LRP1B: variants seen among roughly 807,000 people sequenced by gnomAD.
The protein encoded by LRP1B is low-density lipoprotein receptor-related protein 1B.
LRP1B carries 217 observed loss-of-function variants against 556.6 expected under a neutral mutation model. That is an observed-to-expected ratio of 0.39 (90% CI 0.35 to 0.44). The LOEUF (loss-of-function observed/expected upper bound fraction) is 0.44, where lower values mean the gene tolerates loss of function less well. LRP1B is among the 20% of genes least tolerant of loss of function. LRP1B has a pLI of 1.00. For synonymous variants in LRP1B, 2,047 were observed against 1,865.8 expected (o/e 1.10, Z -2.50); for missense variants, 5,053 against 5,620.8 (o/e 0.90, Z 3.23).
chr2:140,706,246 T>C (rs191269879), intron 37 of LRP1B, among the ~76,000 whole-genome samples: 6 of 152,260 alleles, frequency 3.9e-5, no homozygotes, highest in Non-Finnish European at 7.4e-5. Flanking sequence ...TTGAACCTAT[T>C]TGAGTTCAAA....
At position 140,321,989 on chromosome 2, in the gene LRP1B, C is replaced by G. The variant is rs765298621; in HGVS notation, c.12614G>C (p.Gly4205Ala). 4 of 1,612,690 alleles carry G rather than the reference C, an allele frequency of 2.5e-6. No individual in the cohort carries two copies. In the African/African-American group the frequency reaches 5.3e-5, roughly 22 times the overall value. ...VCPEGKYLIN[G>A]TCNDDSLLDD... ...TAACAGGCTGTCATCATTGCAGGTG[C>G]CATTAATCAAATATTTTCCTTCTGG... is the stretch of plus-strand genomic sequence containing the variant. The change falls in exon 82 of 91, where the codon GGC becomes GCC. Residue 4205 changes from glycine to alanine, a missense_variant. Gly to Ala is a moderately conservative substitution (Grantham distance 60). Around this residue, in one of 5 missense-constraint regions of LRP1B, gnomAD observed 551 missense variants for 592.0 expected, o/e 0.93. Coordinates refer to ENST00000389484, the MANE Select transcript of LRP1B (RefSeq NM_018557.3).
At chr2:141,737,159 C>T (rs967964495) in intron 2 of LRP1B, among the ~76,000 whole-genome samples, 22 of 152,118 alleles carry the variant, frequency 1.4e-4, no homozygotes, top group African/African-American at 5.1e-4. Flanking sequence ...TGAGACCAGC[C>T]TGGCCAACAT....
intron 2 of LRP1B, among the ~76,000 whole-genome samples, chr2:141,523,746 A>T (rs1012179375): frequency 6.6e-6 from 1 of 151,962 alleles, no homozygotes; most frequent in Non-Finnish European, 1.5e-5. Flanking sequence ...GGCTGCCCAG[A>T]AAAGCAGAAG....
intron 1 of LRP1B, among the ~76,000 whole-genome samples, chr2:142,090,189 A>G (rs965929430): frequency 1.3e-5 from 2 of 152,188 alleles, no homozygotes; most frequent in African/African-American, 4.8e-5. Context: ...ATAATTTCAA[A>G]TGCCTTTAAA....
chr2:140,719,888 TACCC>T (rs1687342911), intron 35 of LRP1B, among the ~76,000 whole-genome samples: 1 of 152,070 alleles, frequency 6.6e-6, no homozygotes, highest in African/African-American at 2.4e-5. Flanking sequence ...ATATGTTGTA[TACCC>T]ACACAAACAC....
At chr2:141,854,655 G>A (rs1180630891) in intron 1 of LRP1B, among the ~76,000 whole-genome samples, 1 of 151,944 alleles carries the variant, frequency 6.6e-6, no homozygotes. Context: ...AAATGTGGAT[G>A]CCATAAAATT....
chr2:140,305,267 AC>A (rs1382232543), intron 83 of LRP1B, among the ~76,000 whole-genome samples: 1 of 152,122 alleles, frequency 6.6e-6, no homozygotes, highest in East Asian at 1.9e-4. Context: ...TTTTCACGAT[AC>A]TGATTCTTCC....
At chr2:140,588,605 C>T (rs1161264710) in intron 43 of LRP1B, among the ~76,000 whole-genome samples, 3 of 152,166 alleles carry the variant, frequency 2.0e-5, no homozygotes, top group African/African-American at 7.2e-5. Context: ...AACAGGGAAC[C>T]CCAATATAGA....
intron 8 of LRP1B, 84 bp from the exon 9 acceptor site, chr2:141,059,138 T>A (rs1228845602): frequency 4.7e-6 from 4 of 859,828 alleles, no homozygotes; most frequent in Non-Finnish European, 1.7e-6. Flanking sequence ...TTTACTAGTA[T>A]GGAAAATGGC....
At chr2:140,501,205 T>A (rs965953944) in intron 55 of LRP1B, among the ~76,000 whole-genome samples, 17 of 151,988 alleles carry the variant, frequency 1.1e-4, no homozygotes, top group African/African-American at 3.9e-4. Flanking sequence ...TCACACTAAG[T>A]CCTAATAATT....
chr2:140,633,343 T>C (rs1683959363), intron 41 of LRP1B, among the ~76,000 whole-genome samples: 1 of 152,086 alleles, frequency 6.6e-6, no homozygotes, highest in South Asian at 2.1e-4. Flanking sequence ...TAGAGGAAAA[T>C]TTATTGCATT....
rs747843959 is a variant in LRP1B, at chr2:140,867,691, G to A, written c.4478C>T (p.Ser1493Phe). 3 of 1,613,452 alleles carry A rather than the reference G, an allele frequency of 1.9e-6. No homozygotes were observed. The highest frequency in any genetic ancestry group is 2.5e-6 in the Non-Finnish European group (3 of 1,179,624). ...YWTDWRTNTL[S>F]KANKWTGQNV... is the part of the protein sequence containing the mutation. ...CTGCCCTGTCCACTTATTGGCTTTG[G>A]ACAATGTGTTGGTCCTCCAGTCTGT... Residue 1493 changes from serine to phenylalanine, a missense_variant, in exon 27 of 91, where the codon TCC becomes TTC. Transcript: ENST00000389484.
At chr2:141,702,211 GT>G (rs757903094) in intron 2 of LRP1B, among the ~76,000 whole-genome samples, 27 of 151,854 alleles carry the variant, frequency 1.8e-4, no homozygotes, top group Admixed American at 6.6e-4. Context: ...TTAGGTAGAA[GT>G]TTTTGTAGTA....
chr2:140,647,940 C>T (rs990038759), intron 41 of LRP1B, among the ~76,000 whole-genome samples: 1 of 152,114 alleles, frequency 6.6e-6, no homozygotes, highest in African/African-American at 2.4e-5. Flanking sequence ...CATTACTGGG[C>T]ATATACCCAA....
intron 7 of LRP1B, among the ~76,000 whole-genome samples, chr2:141,136,589 A>G (rs1701498178): frequency 1.3e-5 from 2 of 149,638 alleles, no homozygotes; most frequent in African/African-American, 4.9e-5. Context: ...ACTATGTACC[A>G]GGCAATATAC....
chr2:140,962,330 C>T (rs1696062155), intron 18 of LRP1B, among the ~76,000 whole-genome samples: 1 of 152,138 alleles, frequency 6.6e-6, no homozygotes, highest in South Asian at 2.1e-4. Context: ...AGAAACTTTG[C>T]CTTTTTCCCC....
intron 18 of LRP1B, among the ~76,000 whole-genome samples, chr2:140,965,562 T>TTA (rs72540272): frequency 4.0e-5 from 6 of 151,568 alleles, no homozygotes; most frequent in African/African-American, 1.2e-4. Flanking sequence ...TTTCTTTTAA[T>TTA]TTTTTTATTA....
rs183189646 is a variant in LRP1B, at chr2:141,974,610, G to A, written c.82+156038C>T. Reference sequence around the variant, plus strand: ...AGGTAATATGTGTAAATGTAAACACGCGTTATGTGGAAAAACTACAGGAAA... The same window carrying A: ...AGGTAATATGTGTAAATGTAAACACACGTTATGTGGAAAAACTACAGGAAA... On this transcript the variant is annotated intron_variant, in intron 1 of 90. Transcript: ENST00000389484. Among the ~76,000 whole-genome samples, 7 of 152,036 alleles carry A rather than the reference G, an allele frequency of 4.6e-5. No individual in the cohort carries two copies. The East Asian group carries it at 7.7e-4, about 17-fold the overall frequency.
At chr2:140,947,914 C>T (rs1695589413) in intron 20 of LRP1B, among the ~76,000 whole-genome samples, 1 of 152,122 alleles carries the variant, frequency 6.6e-6, no homozygotes, top group Non-Finnish European at 1.5e-5. Flanking sequence ...ATGCCATTCA[C>T]ATTGACAGTA....
Sources: allele counts gnomAD v4.1 joint callset (sites outside exome capture counted in the v4.1 genomes callset), GRCh38; gene constraint gnomAD v4.1.1; regional missense constraint gnomAD v4.1.1; transcripts MANE v1.5; gene names NCBI Gene and HGNC (gene_info 2026-07-23, HGNC 2026-07-21).